The following EDIL3 variants were observed in gnomAD, a reference collection of about 807,000 sequenced individuals.
EDIL3 encodes the protein EGF like and discoidin domains 3.
In EDIL3, 37 loss-of-function variants were observed where a neutral mutation model predicts 67.4. The observed-to-expected ratio is 0.55, with a 90% CI of 0.42 to 0.72. EDIL3 has a LOEUF of 0.72. Among genes scored for constraint, EDIL3 ranks in the 30% least tolerant of loss-of-function variants. EDIL3 has a pLI of 0.00. For missense variants in EDIL3, 527 were observed against 586.3 expected (o/e 0.90, Z 1.04); for synonymous variants, 195 against 196.3 (o/e 0.99, Z 0.05).
intron 2 of EDIL3, among the ~76,000 whole-genome samples, chr5:84,237,728 A>G (rs912719744): frequency 3.3e-5 from 5 of 152,190 alleles, no homozygotes; most frequent in Admixed American, 1.3e-4. Flanking sequence ...GATTTTTAAA[A>G]GATCCTCTTT....
chr5:84,074,913 G>A (rs1418404171), intron 6 of EDIL3, among the ~76,000 whole-genome samples: 3 of 152,048 alleles, frequency 2.0e-5, no homozygotes, highest in Non-Finnish European at 2.9e-5. Context: ...TGTTTATTGC[G>A]GCACTATTCA....
chr5:84,130,979 A>T (rs1209943769), intron 5 of EDIL3, among the ~76,000 whole-genome samples: 1 of 151,210 alleles, frequency 6.6e-6, no homozygotes, highest in East Asian at 2.0e-4. Context: ...CATTATACCT[A>T]ACATCTACAC....
intron 3 of EDIL3, among the ~76,000 whole-genome samples, chr5:84,212,246 A>C (rs1172988247): frequency 1.3e-5 from 2 of 152,280 alleles, no homozygotes; most frequent in African/African-American, 4.8e-5. Context: ...TGGGCCCTAA[A>C]TCCCATAACA....
chr5:84,036,498 T>A (rs1279079519), intron 9 of EDIL3, among the ~76,000 whole-genome samples: 1 of 152,178 alleles, frequency 6.6e-6, no homozygotes, highest in Admixed American at 6.5e-5. Flanking sequence ...AGTGACAAAG[T>A]TGAACCTTTC....
chr5:84,022,732 T>C (rs1745742543), intron 9 of EDIL3, among the ~76,000 whole-genome samples: 1 of 151,860 alleles, frequency 6.6e-6, no homozygotes, highest in South Asian at 2.1e-4. Flanking sequence ...AGTAATAGAA[T>C]AATAGATACT....
At chr5:84,311,446 T>C (rs1746387919) in intron 1 of EDIL3, among the ~76,000 whole-genome samples, 2 of 151,794 alleles carry the variant, frequency 1.3e-5, no homozygotes, top group South Asian at 4.2e-4. Flanking sequence ...AGCGAGATCA[T>C]TATAAACAAA....
intron 1 of EDIL3, among the ~76,000 whole-genome samples, chr5:84,262,659 G>GTTTTTTTTTC (rs1745251371): frequency 2.2e-5 from 1 of 46,310 alleles, no homozygotes; most frequent in Non-Finnish European, 3.6e-5. Context: ...AGGTTGGTTG[G>GTTTTTTTTTC]TTTTTTTTTT....
At chr5:84,172,949 T>G (rs938349627) in intron 4 of EDIL3, among the ~76,000 whole-genome samples, 1 of 152,180 alleles carries the variant, frequency 6.6e-6, no homozygotes, top group Non-Finnish European at 1.5e-5. Flanking sequence ...TGATAAACCC[T>G]GTCTCCTTTG....
At chr5:84,121,533 A>AGATCGATCGATC (rs374601994) in intron 5 of EDIL3, among the ~76,000 whole-genome samples, 96 of 100,800 alleles carry the variant, frequency 9.5e-4, no homozygotes, top group African/African-American at 2.9e-3. Flanking sequence ...TCACTAACTT[A>AGATCGATCGATC]GATCGATCTA....
intron 4 of EDIL3, among the ~76,000 whole-genome samples, chr5:84,174,003 G>A (rs1291525447): frequency 1.3e-5 from 2 of 152,196 alleles, no homozygotes; most frequent in African/African-American, 4.8e-5. Context: ...TGAGGGGGTG[G>A]TGGTGCACTG....
At chr5:84,007,404 A>C (rs1331633852) in intron 9 of EDIL3, among the ~76,000 whole-genome samples, 1 of 152,186 alleles carries the variant, frequency 6.6e-6, no homozygotes, top group Non-Finnish European at 1.5e-5. Flanking sequence ...AGAATACATA[A>C]GGAGTTCAAA....
intron 4 of EDIL3, among the ~76,000 whole-genome samples, chr5:84,138,266 T>A (rs1444553820): frequency 6.6e-6 from 1 of 152,190 alleles, no homozygotes; most frequent in Non-Finnish European, 1.5e-5. Context: ...TAACAGTTTG[T>A]TGTTGTTGTT....
At chr5:84,038,233 C>G (rs915682094) in intron 9 of EDIL3, among the ~76,000 whole-genome samples, 39 of 152,038 alleles carry the variant, frequency 2.6e-4, no homozygotes, top group Non-Finnish European at 4.4e-5. Flanking sequence ...CAGGGCCAGT[C>G]TGCACCCAGC....
chr5:84,144,791 TTAAC>T (rs1748264805), intron 4 of EDIL3, among the ~76,000 whole-genome samples: 2 of 152,130 alleles, frequency 1.3e-5, no homozygotes, highest in African/African-American at 4.8e-5. Flanking sequence ...TTATCTAAAA[TTAAC>T]TACTCTATTC....
chr5:84,262,728 G>A (rs1745259244), intron 1 of EDIL3, among the ~76,000 whole-genome samples: 1 of 123,064 alleles, frequency 8.1e-6, no homozygotes, highest in Non-Finnish European at 1.6e-5. Context: ...CTAGAGTGCA[G>A]TAGTATGATC....
At position 84,080,298 on chromosome 5, in the gene EDIL3, C is replaced by CAAAAAAAAAAAAAAAAA. The variant is rs369961167; in HGVS notation, c.652-13709_652-13693dup. On this transcript the variant is annotated intron_variant, in intron 6 of 10. Transcript: ENST00000296591. ...TGGGTGACAGAGCGAGACTCTGTCTCAAAAAAAAAAAAAAAAAATTAACTC... is the reference window on the plus strand; with the variant it reads ...TGGGTGACAGAGCGAGACTCTGTCTCAAAAAAAAAAAAAAAAAAAAAAAAAAAAAAAAAAATTAACTC... Among the ~76,000 whole-genome samples, 39 of 54,268 alleles carry CAAAAAAAAAAAAAAAAA rather than the reference C, an allele frequency of 7.2e-4. 3 individuals carry two copies. Among genetic ancestry groups the CAAAAAAAAAAAAAAAAA allele is most frequent in the Middle Eastern group, 0.013 (1 of 76 alleles). The allele number at this position is 54,268 out of a possible 152,430, so 35.6% of individuals were successfully genotyped here.
At chr5:84,345,700 A>G (rs564101074) in intron 1 of EDIL3, among the ~76,000 whole-genome samples, 1 of 152,330 alleles carries the variant, frequency 6.6e-6, no homozygotes, top group South Asian at 2.1e-4. Flanking sequence ...TGCCAGGAAA[A>G]AGTATATTTA....
intron 1 of EDIL3, among the ~76,000 whole-genome samples, chr5:84,262,455 G>A (rs1745242229): frequency 1.3e-5 from 2 of 151,858 alleles, no homozygotes; most frequent in Admixed American, 1.3e-4. Context: ...TTAATTCACT[G>A]AGTTAAGAAA....
intron 1 of EDIL3, among the ~76,000 whole-genome samples, chr5:84,256,591 G>A (rs1392467343): frequency 6.6e-6 from 1 of 151,760 alleles, no homozygotes; most frequent in Non-Finnish European, 1.5e-5. Context: ...AAAATGATGA[G>A]GTCCAAAAGG....
Sources: allele counts gnomAD v4.1 joint callset (sites outside exome capture counted in the v4.1 genomes callset), GRCh38; gene constraint gnomAD v4.1.1; transcripts MANE v1.5; gene names NCBI Gene and HGNC (gene_info 2026-07-23, HGNC 2026-07-21).